Variants in CELF4 observed in about 807,000 individuals in gnomAD.
The protein encoded by CELF4 is CUGBP Elav-like family member 4, also known as CUG-BP- and ETR-3-like factor 4.
In CELF4, 18 loss-of-function variants were observed where a neutral mutation model predicts 59.9. That is an observed-to-expected ratio of 0.30 (90% CI 0.21 to 0.45). The LOEUF is 0.45. CELF4 is among the 20% of genes least tolerant of loss of function. The probability of loss-of-function intolerance (pLI) is 1.00; values close to 1 mark genes in which losing one functional copy is unlikely to be tolerated. For missense variants in CELF4, 456 were observed against 689.0 expected (o/e 0.66, Z 3.79); for synonymous variants, 261 against 267.1 (o/e 0.98, Z 0.22).
At chr18:37,501,864 C>T (rs2099932239) in intron 1 of CELF4, among the ~76,000 whole-genome samples, 1 of 152,242 alleles carries the variant, frequency 6.6e-6, no homozygotes, top group Non-Finnish European at 1.5e-5. Flanking sequence ...CTGCCTCCCG[C>T]TTTCCTCTCT....
chr18:37,317,640 C>T (rs572310764), intron 3 of CELF4, among the ~76,000 whole-genome samples: 19 of 152,294 alleles, frequency 1.2e-4, no homozygotes, highest in African/African-American at 4.6e-4. Flanking sequence ...AGCTCCACTT[C>T]CCTCTGTACT....
At chr18:37,465,500 A>G (rs952251257) in intron 2 of CELF4, among the ~76,000 whole-genome samples, 79 of 152,128 alleles carry the variant, frequency 5.2e-4, no homozygotes, top group African/African-American at 1.9e-3. Flanking sequence ...CAGCACCTCA[A>G]AGGCCACTGG....
intron 2 of CELF4, among the ~76,000 whole-genome samples, chr18:37,424,786 G>A (rs1237696808): frequency 6.6e-6 from 1 of 152,084 alleles, no homozygotes; most frequent in Non-Finnish European, 1.5e-5. Flanking sequence ...ATCCTGTGTT[G>A]TGGCTAGATG....
chr18:37,378,363 G>C (rs954182415), intron 2 of CELF4, among the ~76,000 whole-genome samples: 31 of 152,220 alleles, frequency 2.0e-4, no homozygotes, highest in Non-Finnish European at 4.0e-4. Context: ...AGCCCAGGGA[G>C]GGGGCAGGCA....
intron 1 of CELF4, among the ~76,000 whole-genome samples, chr18:37,554,273 C>T (rs1057154752): frequency 2.6e-5 from 4 of 152,104 alleles, no homozygotes; most frequent in African/African-American, 4.8e-5. Context: ...GGCAGTGACC[C>T]GCAGGGCTCT....
chr18:37,441,644 G>T (rs1477737227), intron 2 of CELF4, among the ~76,000 whole-genome samples: 3 of 152,094 alleles, frequency 2.0e-5, no homozygotes, highest in East Asian at 1.9e-4. Flanking sequence ...CTGCTTTGTG[G>T]TCACCCTCTA....
At chr18:37,358,397 C>T (rs1179926828) in intron 2 of CELF4, among the ~76,000 whole-genome samples, 1 of 152,236 alleles carries the variant, frequency 6.6e-6, no homozygotes, top group African/African-American at 2.4e-5. Flanking sequence ...GCTTCCCCAG[C>T]CACGTGGAAC....
chr18:37,335,535 G>A (rs1321054638), intron 2 of CELF4, among the ~76,000 whole-genome samples: 1 of 151,756 alleles, frequency 6.6e-6, no homozygotes, highest in African/African-American at 2.4e-5. Flanking sequence ...GTGAATGGGT[G>A]TAGGTATGGT....
chr18:37,402,493 C>T (rs1318383776), intron 2 of CELF4, among the ~76,000 whole-genome samples: 1 of 152,040 alleles, frequency 6.6e-6, no homozygotes, highest in East Asian at 1.9e-4. Flanking sequence ...CTCTTCTTGT[C>T]CTTGTGTTCT....
chr18:37,451,546 TG>T (rs1246686374), intron 2 of CELF4, among the ~76,000 whole-genome samples: 1 of 152,088 alleles, frequency 6.6e-6, no homozygotes, highest in Non-Finnish European at 1.5e-5. Flanking sequence ...TGTATGTATG[TG>T]TGTGTGTGTC....
At position 37,481,232 on chromosome 18, in the gene CELF4, T is replaced by C. The variant is rs1448543307; in HGVS notation, c.369+4293A>G. Among the ~76,000 whole-genome samples the C allele has an allele frequency of 2.0e-5, 3 of 152,144 alleles. No individual in the cohort carries two copies. The East Asian group carries it at 5.8e-4, about 29-fold the overall frequency. ...ATCTTTGACTAGTGAGTTGGAACTT[T>C]AATGTTTACCAAGGAGATACAGCTC... On this transcript the variant is annotated intron_variant, in intron 2 of 12. Coordinates refer to ENST00000420428, the MANE Select transcript of CELF4 (RefSeq NM_020180.4).
intron 3 of CELF4, among the ~76,000 whole-genome samples, chr18:37,287,957 A>G (rs1015616835): frequency 1.3e-5 from 2 of 152,202 alleles, no homozygotes; most frequent in African/African-American, 4.8e-5. Context: ...TGAGGACTTC[A>G]GGTAATGAGG....
intron 1 of CELF4, among the ~76,000 whole-genome samples, chr18:37,508,661 G>T (rs2099940897): frequency 6.6e-6 from 1 of 152,240 alleles, no homozygotes; most frequent in Non-Finnish European, 1.5e-5. Context: ...ACATCTCTGT[G>T]TGTGCTGCTC....
In CELF4 at chr18:37,415,975, G is replaced by T. The variant is rs561645383; in HGVS notation, c.369+69550C>A. ...TCTCTGAATGTTGGGCCCAGGGTGG[G>T]GCAGGGAGGAGGAAGGGTCAGATTT... On this transcript the variant is annotated intron_variant, in intron 2 of 12. Coordinates refer to ENST00000420428, the MANE Select transcript of CELF4 (RefSeq NM_020180.4). Among the ~76,000 whole-genome samples the T allele has an allele frequency of 3.3e-5, 5 of 152,300 alleles. No individual in the cohort carries two copies. The East Asian group carries it at 9.6e-4, about 29-fold the overall frequency.
At chr18:37,523,599 A>G (rs2099960153) in intron 1 of CELF4, among the ~76,000 whole-genome samples, 1 of 152,204 alleles carries the variant, frequency 6.6e-6, no homozygotes, top group African/African-American at 2.4e-5. Context: ...CAGGCCCATC[A>G]TAGGATGCCC....
intron 1 of CELF4, among the ~76,000 whole-genome samples, chr18:37,494,868 G>A (rs1295859604): frequency 3.3e-5 from 5 of 152,096 alleles, no homozygotes; most frequent in Non-Finnish European, 1.5e-5. Context: ...CCAATCCTGT[G>A]GCCTTCTCTT....
chr18:37,263,610 G>C (rs1336831326), intron 10 of CELF4, among the ~76,000 whole-genome samples: 2 of 151,992 alleles, frequency 1.3e-5, no homozygotes, highest in Non-Finnish European at 2.9e-5. Context: ...TGTTCATCCA[G>C]CCTCCTGTCT....
intron 1 of CELF4, among the ~76,000 whole-genome samples, chr18:37,523,241 G>T (rs575880155): frequency 1.3e-5 from 2 of 152,200 alleles, no homozygotes; most frequent in Admixed American, 6.5e-5. Context: ...AGGCTCGTTT[G>T]TTGGGCATTT....
At chr18:37,458,642 T>C (rs1301380919) in intron 2 of CELF4, among the ~76,000 whole-genome samples, 1 of 152,228 alleles carries the variant, frequency 6.6e-6, no homozygotes, top group Non-Finnish European at 1.5e-5. Context: ...CAGCTGTTTC[T>C]TGAAGGGCTC....
Sources: allele counts gnomAD v4.1 joint callset (sites outside exome capture counted in the v4.1 genomes callset), GRCh38; gene constraint gnomAD v4.1.1; transcripts MANE v1.5; gene names NCBI Gene and HGNC (gene_info 2026-07-23, HGNC 2026-07-21).